The following RANBP2 variants were observed in gnomAD, a reference collection of about 807,000 sequenced individuals.
The protein encoded by RANBP2 is E3 SUMO-protein ligase RanBP2.
In RANBP2, 57 loss-of-function variants were observed where a neutral mutation model predicts 303.6. That is an observed-to-expected ratio of 0.19 (90% confidence interval 0.15 to 0.23). The LOEUF is 0.23. Among genes scored for constraint, RANBP2 ranks in the 10% least tolerant of loss-of-function variants. RANBP2 has a pLI of 1.00. For missense variants in RANBP2, 3,138 were observed against 3,780.8 expected, an observed-to-expected ratio of 0.83 and a Z score of 4.46; for synonymous variants, 1,167 against 1,301.5, an observed-to-expected ratio of 0.90 and a Z score of 2.23.
the RANBP2 span, among the ~76,000 whole-genome samples, chr2:109,020,336 C>G: frequency 1.3e-5 from 2 of 152,154 alleles, no homozygotes; most frequent in African/African-American, 4.8e-5. Flanking sequence ...ACCCTTCTCC[C>G]CGGTTTACAA....
chr2:109,576,363 C>T, the RANBP2 span, among the ~76,000 whole-genome samples: 8 of 151,794 alleles, frequency 5.3e-5, no homozygotes, highest in Non-Finnish European at 7.4e-5. Flanking sequence ...CCTCCCAAAG[C>T]GCTGGGATGA....
chr2:109,626,783 A>T, the RANBP2 span, among the ~76,000 whole-genome samples: 1 of 152,242 alleles, frequency 6.6e-6, no homozygotes, highest in South Asian at 2.1e-4. Context: ...CAGATGAGGA[A>T]GGTAAAAGTA....
At chr2:109,485,238 T>G in the RANBP2 span, among the ~76,000 whole-genome samples, 1 of 152,120 alleles carries the variant, frequency 6.6e-6, no homozygotes, top group South Asian at 2.1e-4. Context: ...TTGAAAGAAG[T>G]GGTGGGACAG....
chr2:108,946,131 G>A, the RANBP2 span, among the ~76,000 whole-genome samples: 2 of 152,142 alleles, frequency 1.3e-5, no homozygotes, highest in Non-Finnish European at 2.9e-5. Flanking sequence ...CCTGGCAGTC[G>A]TCCACACCCT....
chr2:108,805,809 T>C, the RANBP2 span, among the ~76,000 whole-genome samples: 2,000 of 152,304 alleles, frequency 0.013, 46 homozygotes, highest in African/African-American at 0.046. Flanking sequence ...GTCTATTTTT[T>C]TCCTTCCATC....
the RANBP2 span, among the ~76,000 whole-genome samples, chr2:109,248,846 TTTTCCTTTTTCC>T: frequency 0.077 from 11,595 of 150,640 alleles, 939 homozygotes; most frequent in African/African-American, 0.2. Context: ...CTCCTTTTCG[TTTTCCTTTTTCC>T]TTTCCTTTTT....
chr2:109,112,413 T>C, the RANBP2 span, among the ~76,000 whole-genome samples: 5 of 152,234 alleles, frequency 3.3e-5, no homozygotes, highest in African/African-American at 1.2e-4. Flanking sequence ...ATGTGTTTTT[T>C]GGCTGCATAA....
the RANBP2 span, among the ~76,000 whole-genome samples, chr2:109,562,702 G>T: frequency 2.0e-5 from 3 of 152,104 alleles, no homozygotes; most frequent in Admixed American, 1.3e-4. Context: ...TTCCACCTCA[G>T]TGCACAGAGG....
At chr2:109,698,680 G>T in the RANBP2 span, among the ~76,000 whole-genome samples, 3 of 150,384 alleles carry the variant, frequency 2.0e-5, no homozygotes, top group Non-Finnish European at 4.4e-5. Context: ...TACCTTCTTT[G>T]CATGACAGCT....
intron 4 of RANBP2, among the ~76,000 whole-genome samples, chr2:108,732,249 A>C (rs1421502926): frequency 6.6e-6 from 1 of 152,168 alleles, no homozygotes; most frequent in Non-Finnish European, 1.5e-5. Flanking sequence ...GGAAGTTGCA[A>C]AGATTGTACA....
chr2:109,603,927 C>A, the RANBP2 span, among the ~76,000 whole-genome samples: 1 of 151,442 alleles, frequency 6.6e-6, no homozygotes. Context: ...TTTGGGAGGC[C>A]GAGGCGGGCG....
the RANBP2 span, among the ~76,000 whole-genome samples, chr2:109,431,745 C>A: frequency 2.0e-5 from 3 of 152,288 alleles, no homozygotes; most frequent in East Asian, 1.9e-4. Context: ...GCGGTGCACA[C>A]CTGTGGTCCC....
chr2:109,626,036 T>A, the RANBP2 span, among the ~76,000 whole-genome samples: 2 of 152,216 alleles, frequency 1.3e-5, no homozygotes, highest in African/African-American at 4.8e-5. Flanking sequence ...GTCTACTACA[T>A]TTTTCTGTGT....
chr2:109,515,877 C>T, the RANBP2 span, among the ~76,000 whole-genome samples: 10 of 152,046 alleles, frequency 6.6e-5, no homozygotes, highest in Non-Finnish European at 1.5e-4. Flanking sequence ...CCGCCAGGAA[C>T]GCACCAAGCC....
chr2:109,673,414 G>T, the RANBP2 span, among the ~76,000 whole-genome samples: 2 of 152,156 alleles, frequency 1.3e-5, no homozygotes, highest in African/African-American at 4.8e-5. Context: ...ACCCCATTTT[G>T]GGAGAAACCT....
chr2:109,138,574 AGGGCAGCCCCT>A, the RANBP2 span, among the ~76,000 whole-genome samples: 2 of 152,330 alleles, frequency 1.3e-5, no homozygotes, highest in South Asian at 2.1e-4. Context: ...GAGAGGGGTC[AGGGCAGCCCCT>A]GGGCAGCCCG....
At chr2:109,204,222 C>CTG in the RANBP2 span, among the ~76,000 whole-genome samples, 1 of 152,206 alleles carries the variant, frequency 6.6e-6, no homozygotes, top group Non-Finnish European at 1.5e-5. Context: ...GTCTGTCTGT[C>CTG]TGTCTTGGGT....
chr2:109,502,261 C>T, the RANBP2 span: 1 of 152,368 alleles, frequency 6.6e-6, no homozygotes, highest in East Asian at 1.9e-4. Flanking sequence ...GGGCTTGTCG[C>T]CTGCCAGTAG....
At chr2:109,297,047 TGG>T in the RANBP2 span, among the ~76,000 whole-genome samples, 1 of 152,054 alleles carries the variant, frequency 6.6e-6, no homozygotes, top group African/African-American at 2.4e-5. Flanking sequence ...GGGTATTTGG[TGG>T]GGCCAACTAG....
Sources: allele counts gnomAD v4.1 joint callset (sites outside exome capture counted in the v4.1 genomes callset), GRCh38; gene constraint gnomAD v4.1.1; transcripts MANE v1.5; gene names NCBI Gene and HGNC (gene_info 2026-07-23, HGNC 2026-07-21).